The following SLC45A1 variants were observed in gnomAD, a reference collection of about 807,000 sequenced individuals.
SLC45A1 encodes solute carrier family 45 member 1, also known as proton-associated sugar transporter A.
In SLC45A1, 28 loss-of-function variants were observed where a neutral mutation model predicts 57.6. The observed-to-expected ratio is 0.49, with a 90% CI of 0.36 to 0.67. The LOEUF (loss-of-function observed/expected upper bound fraction) is 0.67, where lower values mean the gene tolerates loss of function less well. Among genes scored for constraint, SLC45A1 ranks in the 30% least tolerant of loss-of-function variants. SLC45A1 has a pLI of 0.00. For synonymous variants in SLC45A1, 459 were observed against 471.5 expected (o/e 0.97, Z 0.34); for missense variants, 814 against 1,041.5 (o/e 0.78, Z 3.01).
In SLC45A1 at chr1:8,335,627, C is replaced by T; in HGVS notation, c.1597+37C>T. ...GCCAAGCCTCCCCGTGAGTCCTGGT[C>T]CTGCTCAGGGCTCTCGCCCCACTGG... On this transcript the variant is annotated intron_variant, in intron 6 of 8. Transcript: ENST00000471889. The surrounding 1 kb of genome is among the most constrained non-coding windows in gnomAD (Gnocchi z 4.1). The T allele has an allele frequency of 6.4e-7, 1 of 1,562,528 alleles. No individual in the cohort carries two copies. Among genetic ancestry groups the T allele is most frequent in the Non-Finnish European group, 8.6e-7 (1 of 1,158,498 alleles).
chr1:8,324,255 G>A, intron 1 of SLC45A1, 51 bp from the exon 2 acceptor site: 3 of 1,505,118 alleles, frequency 2.0e-6, no homozygotes, highest in Non-Finnish European at 1.8e-6. Flanking sequence ...TGTTGGGGGA[G>A]GACTACCCAG....
intron 8 of SLC45A1, among the ~76,000 whole-genome samples, chr1:8,341,604 T>C (rs534645899): frequency 6.9e-6 from 1 of 144,172 alleles, no homozygotes; most frequent in East Asian, 2.0e-4. Flanking sequence ...CCACCTCATA[T>C]TGGAGTCTGA....
intron 8 of SLC45A1, among the ~76,000 whole-genome samples, chr1:8,342,947 C>T (rs1261905461): frequency 1.3e-5 from 2 of 151,676 alleles, no homozygotes; most frequent in African/African-American, 4.8e-5. Context: ...AGAAATGTGA[C>T]CTGGATTACT....
intron 4 of SLC45A1, among the ~76,000 whole-genome samples, chr1:8,329,331 C>G (rs1363387687): frequency 6.6e-6 from 1 of 152,222 alleles, no homozygotes; most frequent in East Asian, 1.9e-4. Flanking sequence ...CCGAGAGAAC[C>G]CTCCTCTCCT....
In SLC45A1 at chr1:8,343,661, C is replaced by T; in HGVS notation, c.1981-86C>T. On this transcript the variant is annotated intron_variant, in intron 8 of 8. Coordinates refer to ENST00000471889, the MANE Select transcript of SLC45A1 (RefSeq NM_001080397.3). The surrounding 1 kb of genome is among the most constrained non-coding windows in gnomAD (Gnocchi z 7.7). ...GCCGCTGTGTGTGGGCCGCTCGGGCCTCCTGGGCTCGCAGGACACACCGAG... is the reference window on the plus strand; with the variant it reads ...GCCGCTGTGTGTGGGCCGCTCGGGCTTCCTGGGCTCGCAGGACACACCGAG... The T allele has an allele frequency of 6.7e-7, 1 of 1,500,350 alleles. No homozygotes were observed. The highest frequency in any genetic ancestry group is 9.0e-7 in the Non-Finnish European group (1 of 1,111,920). The allele number at this position is 1,500,350 out of a possible 1,614,324, so 92.9% of individuals were successfully genotyped here. A position where few individuals can be genotyped will look rare whatever the true frequency, so the allele number is the denominator to read the frequency against.
intron 5 of SLC45A1, among the ~76,000 whole-genome samples, chr1:8,333,632 A>G (rs567319586): frequency 6.6e-5 from 10 of 152,268 alleles, no homozygotes; most frequent in Non-Finnish European, 1.3e-4. Context: ...ACGGGGCCTC[A>G]CTATGTGGCC....
chr1:8,334,691 A>G (rs1640550131), intron 5 of SLC45A1, among the ~76,000 whole-genome samples: 1 of 152,166 alleles, frequency 6.6e-6, no homozygotes, highest in African/African-American at 2.4e-5. Context: ...CGACAGAGCG[A>G]AACTGTCTCT....
rs775010072 is a variant in SLC45A1 at position 8,339,545 on chromosome 1, C to T, written c.1827C>T (p.Ile609=). Residue 609 remains isoleucine, a synonymous_variant, in exon 8 of 9, where the codon ATC becomes ATT. Transcript: ENST00000471889. ...EFLSVRTLYF[I]AYLAFGLGTG... ...TCAGCGTCCGCACCCTCTACTTCAT[C>T]GCCTATCTCGCCTTCGGCCTGGGGA... is the stretch of plus-strand genomic sequence containing the variant. 21 of 1,614,108 alleles carry T rather than the reference C, an allele frequency of 1.3e-5. No individual in the cohort carries two copies. Among genetic ancestry groups the T allele is most frequent in the African/African-American group, 5.3e-5 (4 of 74,934 alleles).
At chr1:8,340,342 T>G (rs1640771110) in intron 8 of SLC45A1, among the ~76,000 whole-genome samples, 2 of 152,062 alleles carry the variant, frequency 1.3e-5, no homozygotes, top group Admixed American at 6.5e-5. Flanking sequence ...TTTTGTATTT[T>G]TAGTAGAGAC....
intron 7 of SLC45A1, among the ~76,000 whole-genome samples, chr1:8,338,707 C>T (rs771276233): frequency 4.6e-5 from 7 of 152,232 alleles, no homozygotes; most frequent in South Asian, 2.1e-4. Flanking sequence ...GCACTGTGTT[C>T]GCTGAAATAC....
Position 8,324,500 on chromosome 1 carries a change from T to TCCCAGCCCACCCCC in SLC45A1, c.174_175insAGCCCACCCCCCCC (p.Asn65HisfsTer49). The TCCCAGCCCACCCCC allele has an allele frequency of 6.2e-7, 1 of 1,610,714 alleles. No homozygotes were observed. Among genetic ancestry groups the TCCCAGCCCACCCCC allele is most frequent in the Non-Finnish European group, 8.5e-7 (1 of 1,178,932 alleles). On this transcript the variant is annotated frameshift_variant, in exon 2 of 9. Transcript: ENST00000471889. LOFTEE classifies it high-confidence loss of function. ...ACCCCAAGAGGAGGAAGTGCATTCG[T>TCCCAGCCCACCCCC]CCCTCCCCACCCCCGCCCCCCAACA...
At position 8,325,479 on chromosome 1, in the gene SLC45A1, C is replaced by A; in HGVS notation, c.490+89C>A. 2.1e-6 allele frequency: 2 copies of A among 964,900 alleles called. No homozygotes were observed. Among genetic ancestry groups the A allele is most frequent in the Non-Finnish European group, 3.2e-6 (2 of 625,612 alleles). The allele number at this position is 964,900 out of a possible 1,614,324, so 59.8% of individuals were successfully genotyped here. A position where few individuals can be genotyped will look rare whatever the true frequency, so the allele number is the denominator to read the frequency against. On this transcript the variant is annotated intron_variant, in intron 3 of 8. Coordinates refer to ENST00000471889, the MANE Select transcript of SLC45A1 (RefSeq NM_001080397.3). This position sits in a 1 kb window ranked among gnomAD's most constrained non-coding sequence, Gnocchi z 6.3. ...TTAGGAAAATTTTAAAAAATGTTGA[C>A]CAAAGCAGTTACCCAGATAGCTCTG...
At chr1:8,329,959 C>A (rs1338827479) in intron 4 of SLC45A1, among the ~76,000 whole-genome samples, 2 of 152,106 alleles carry the variant, frequency 1.3e-5, no homozygotes, top group African/African-American at 4.8e-5. Context: ...GGCAGGTGGT[C>A]ACTGTGCTGC....
In SLC45A1 at chr1:8,323,110, G is replaced by A. The variant is rs558123572; in HGVS notation, c.-24-1196G>A. ...AAACCCCAGCTGGGCAGAGGACAGC[G>A]CGGGAGGGGAGTGGAAGGATGTCTA... On this transcript the variant is annotated intron_variant, in intron 1 of 8. Transcript: ENST00000471889. Among the ~76,000 whole-genome samples the A allele has an allele frequency of 5.9e-5, 9 of 152,310 alleles. No homozygotes were observed. In the East Asian group the frequency reaches 1.7e-3, roughly 29 times the overall value.
At chr1:8,324,874 A>G in intron 2 of SLC45A1, 148 bp downstream of exon 2, 1 of 778,338 alleles carries the variant, frequency 1.3e-6, no homozygotes, top group Non-Finnish European at 2.0e-6. Context: ...CACAGGTACC[A>G]CCGGTCATAT....
chr1:8,341,232 T>C (rs1359399387), intron 8 of SLC45A1, among the ~76,000 whole-genome samples: 1 of 133,712 alleles, frequency 7.5e-6, no homozygotes, highest in Non-Finnish European at 1.6e-5. Flanking sequence ...AGAGGGACAA[T>C]GAATAGAAAT....
chr1:8,333,635 A>T (rs1348365725), intron 5 of SLC45A1, among the ~76,000 whole-genome samples: 3 of 152,086 alleles, frequency 2.0e-5, no homozygotes, highest in African/African-American at 7.2e-5. Flanking sequence ...GGGCCTCACT[A>T]TGTGGCCCAA....
At position 8,336,156 on chromosome 1, in the gene SLC45A1, A is replaced by C. The variant is rs1353403153; in HGVS notation, c.1597+566A>C. On this transcript the variant is annotated intron_variant, in intron 6 of 8. Transcript: ENST00000471889. ...GCCAGGCGCGGTGGCTCACGCCTGTAATCTCAGCACTTTGGGAGGCCGAGG... is the reference window on the plus strand; with the variant it reads ...GCCAGGCGCGGTGGCTCACGCCTGTCATCTCAGCACTTTGGGAGGCCGAGG... 1.3e-5 allele frequency: 2 copies of C among 152,362 alleles called. 1 individual carries two copies. The highest frequency in any genetic ancestry group is 1.3e-4 in the Admixed American group (2 of 15,282). The allele number at this position is 152,362 out of a possible 1,614,324, so 9.4% of individuals were successfully genotyped here.
chr1:8,321,880 T>C (rs2124284344), intron 1 of SLC45A1, among the ~76,000 whole-genome samples: 1 of 142,108 alleles, frequency 7.0e-6, no homozygotes, highest in East Asian at 2.0e-4. Flanking sequence ...GGCTGGTGGA[T>C]GAATGGGTGC....
Sources: allele counts gnomAD v4.1 joint callset (sites outside exome capture counted in the v4.1 genomes callset), GRCh38; gene constraint gnomAD v4.1.1; non-coding constraint Gnocchi (gnomAD v3.1); transcripts MANE v1.5; gene names NCBI Gene and HGNC (gene_info 2026-07-23, HGNC 2026-07-21).